Variants in RABGEF1 observed in about 807,000 individuals in gnomAD.
RABGEF1 encodes rab5 GDP/GTP exchange factor.
In RABGEF1, 26 loss-of-function variants were observed where a neutral mutation model predicts 57.3. That is an observed-to-expected ratio of 0.45 (90% CI 0.33 to 0.63). The LOEUF is 0.63. RABGEF1 is among the 20% of genes least tolerant of loss of function. The pLI, the probability that RABGEF1 is intolerant of heterozygous loss-of-function variation, is 0.02. For missense variants in RABGEF1, 464 were observed against 607.6 expected, an observed-to-expected ratio of 0.76 and a Z score of 2.48; for synonymous variants, 185 against 210.7, an observed-to-expected ratio of 0.88 and a Z score of 1.06.
At chr7:66,679,251 T>C (rs2116987451), upstream of RABGEF1, among the ~76,000 whole-genome samples, 1 of 152,302 alleles carries the variant, frequency 6.6e-6, no homozygotes, top group East Asian at 1.9e-4. Context: ...TCATCTTTTA[T>C]TCAGGTCACC....
At chr7:66,775,928 T>C (rs191573971) in intron 3 of RABGEF1, among the ~76,000 whole-genome samples, 2 of 152,314 alleles carry the variant, frequency 1.3e-5, no homozygotes, top group East Asian at 3.9e-4. Flanking sequence ...TATTTTCCAG[T>C]GCATGGATTT....
intron 4 of RABGEF1, among the ~76,000 whole-genome samples, chr7:66,791,750 A>T (rs572753950): frequency 6.6e-6 from 1 of 152,368 alleles, no homozygotes; most frequent in South Asian, 2.1e-4. Flanking sequence ...ATAGACATCC[A>T]CTTGTCAATG....
At chr7:66,714,291 G>A (rs1341183421) in intron 2 of RABGEF1, among the ~76,000 whole-genome samples, 2 of 152,120 alleles carry the variant, frequency 1.3e-5, no homozygotes, top group Non-Finnish European at 2.9e-5. Flanking sequence ...GTGAGTTTTG[G>A]TAGTTTGTGG....
At chr7:66,734,086 G>A (rs1797654214) in intron 2 of RABGEF1, among the ~76,000 whole-genome samples, 1 of 152,182 alleles carries the variant, frequency 6.6e-6, no homozygotes. Flanking sequence ...GTCCAACATT[G>A]GTCTAACGGG....
the RABGEF1 span, among the ~76,000 whole-genome samples, chr7:66,659,648 T>C: frequency 6.6e-6 from 1 of 151,364 alleles, no homozygotes; most frequent in Non-Finnish European, 1.5e-5. Context: ...GTTGTGGTGT[T>C]ACCCTCCTGT....
chr7:66,765,662 C>G (rs1255328615), intron 1 of RABGEF1, among the ~76,000 whole-genome samples: 2 of 152,194 alleles, frequency 1.3e-5, no homozygotes, highest in Non-Finnish European at 2.9e-5. Context: ...TCCTGATACT[C>G]AGACCACTTG....
chr7:66,734,100 C>T (rs527956417), intron 2 of RABGEF1, among the ~76,000 whole-genome samples: 18 of 152,350 alleles, frequency 1.2e-4, no homozygotes, highest in Non-Finnish European at 2.4e-4. Flanking sequence ...TAACGGGGCC[C>T]TGGGGACACA....
intron 2 of RABGEF1, among the ~76,000 whole-genome samples, chr7:66,729,309 T>C (rs1797028182): frequency 2.7e-5 from 1 of 37,018 alleles, no homozygotes; most frequent in South Asian, 7.5e-4. Flanking sequence ...TCCCCTCCAT[T>C]CTTCGTTCCT....
intron 1 of RABGEF1, among the ~76,000 whole-genome samples, chr7:66,764,189 A>T (rs1805130143): frequency 6.6e-6 from 1 of 152,112 alleles, no homozygotes; most frequent in Admixed American, 6.5e-5. Context: ...GTGGCATCTC[A>T]TTGTGGTTTC....
At chr7:66,711,633 C>T (rs1319866907) in intron 1 of RABGEF1, among the ~76,000 whole-genome samples, 1 of 151,858 alleles carries the variant, frequency 6.6e-6, no homozygotes, top group Non-Finnish European at 1.5e-5. Context: ...GTCACCCAGG[C>T]TGGGATGCAG....
the RABGEF1 span, among the ~76,000 whole-genome samples, chr7:66,666,546 C>T: frequency 1.2e-4 from 18 of 152,270 alleles, no homozygotes; most frequent in African/African-American, 4.3e-4. Flanking sequence ...GGTGGGCACT[C>T]CAGTGATGTT....
At chr7:66,702,536 C>T (rs1450185881) in intron 1 of RABGEF1, among the ~76,000 whole-genome samples, 1 of 152,056 alleles carries the variant, frequency 6.6e-6, no homozygotes, top group Non-Finnish European at 1.5e-5. Context: ...CAATTCTATG[C>T]TTTTTGAGGA....
the RABGEF1 span, among the ~76,000 whole-genome samples, chr7:66,656,819 TCA>T: frequency 2.2e-5 from 1 of 44,986 alleles, no homozygotes; most frequent in African/African-American, 1.3e-4. Context: ...AAACTGCATC[TCA>T]AAAAAAAAAA....
the RABGEF1 span, among the ~76,000 whole-genome samples, chr7:66,675,181 A>C: frequency 2.6e-5 from 4 of 152,010 alleles, no homozygotes; most frequent in Admixed American, 2.0e-4. Context: ...AGGCATGGAG[A>C]GGTTAAGTTT....
At chr7:66,722,312 C>T (rs1463439260) in intron 2 of RABGEF1, among the ~76,000 whole-genome samples, 7 of 152,120 alleles carry the variant, frequency 4.6e-5, no homozygotes, top group East Asian at 1.9e-4. Context: ...TGGTGGTGCG[C>T]GCCTGTAATC....
the RABGEF1 span, among the ~76,000 whole-genome samples, chr7:66,676,149 A>G: frequency 2.0e-5 from 3 of 152,040 alleles, no homozygotes; most frequent in Admixed American, 6.6e-5. Context: ...GCAAAACCTC[A>G]TCTCCACTAA....
chr7:66,748,679 T>A (rs756797998), intron 1 of RABGEF1, among the ~76,000 whole-genome samples: 5 of 152,220 alleles, frequency 3.3e-5, no homozygotes, highest in African/African-American at 1.2e-4. Context: ...CAGTAAGAAT[T>A]TCCTTTTCCA....
chr7:66,775,304 T>C lies in RABGEF1; in HGVS notation c.257T>C (p.Phe86Ser), dbSNP rs1349668399. ...QGAQSLTFSK[F>S]EEKKTNEKTR... ...GCCCAATCCCTCACATTCTCCAAGT[T>C]TGAAGAAAAGAAAACCAACGAGAAG... The change falls in exon 3 of 9, where the codon TTT (phenylalanine) becomes TCT (serine). Residue 86 changes from phenylalanine (F) to serine (S), a missense_variant. This residue lies in a region of RABGEF1 where 284 missense variants were observed against 389.9 expected (regional missense o/e 0.73). Transcript: ENST00000284957. 4 of 1,613,824 alleles carry C rather than the reference T, an allele frequency of 2.5e-6. No homozygotes were observed. The highest frequency in any genetic ancestry group is 1.3e-5 in the African/African-American group (1 of 74,916).
At chr7:66,722,495 GA>G (rs1325518912) in intron 2 of RABGEF1, among the ~76,000 whole-genome samples, 2 of 152,086 alleles carry the variant, frequency 1.3e-5, no homozygotes, top group African/African-American at 4.8e-5. Flanking sequence ...AAGGAAAAAA[GA>G]AATACAAAGT....
Sources: allele counts gnomAD v4.1 joint callset (sites outside exome capture counted in the v4.1 genomes callset), GRCh38; gene constraint gnomAD v4.1.1; regional missense constraint gnomAD v4.1.1; transcripts MANE v1.5; gene names NCBI Gene and HGNC (gene_info 2026-07-23, HGNC 2026-07-21).